Variants in RAP1A observed in about 807,000 individuals in gnomAD.
RAP1A encodes ras-related protein Rap-1A.
Under a neutral mutation model 26.4 loss-of-function variants are expected in RAP1A, and 6 were observed. The ratio of observed to expected loss-of-function variants is 0.23; its 90% CI spans 0.12 to 0.45. The LOEUF is 0.45. Ranked by LOEUF, RAP1A falls within the 20% of genes least tolerant of loss-of-function variation. The probability of loss-of-function intolerance (pLI) is 0.99; values close to 1 mark genes in which losing one functional copy is unlikely to be tolerated. For synonymous variants in RAP1A, 73 were observed against 79.4 expected, an observed-to-expected ratio of 0.92 and a Z score of 0.43; for missense variants, 121 against 217.2, an observed-to-expected ratio of 0.56 and a Z score of 2.78.
intron 1 of RAP1A, among the ~76,000 whole-genome samples, chr1:111,689,129 C>T (rs1661591783): frequency 6.6e-6 from 1 of 152,136 alleles, no homozygotes; most frequent in South Asian, 2.1e-4. Context: ...AGCTACTGCA[C>T]CTGGCCAGAT....
intron 3 of RAP1A, among the ~76,000 whole-genome samples, chr1:111,696,416 C>G (rs147491923): frequency 6.6e-6 from 1 of 152,308 alleles, no homozygotes; most frequent in African/African-American, 2.4e-5. Flanking sequence ...GCTCTAGATA[C>G]ATCAAGAAAC....
chr1:111,545,277 C>T (rs557770405), intron 1 of RAP1A, among the ~76,000 whole-genome samples: 2 of 152,160 alleles, frequency 1.3e-5, no homozygotes, highest in East Asian at 3.9e-4. Flanking sequence ...CCTATCCTTG[C>T]CAACACTTAT....
At chr1:111,640,789 G>A (rs1026388794) in intron 1 of RAP1A, among the ~76,000 whole-genome samples, 22 of 152,026 alleles carry the variant, frequency 1.4e-4, no homozygotes, top group African/African-American at 5.3e-4. Context: ...GTGAGACCCT[G>A]TCTCTACAAA....
intron 1 of RAP1A, among the ~76,000 whole-genome samples, chr1:111,686,180 A>C (rs929677862): frequency 1.3e-5 from 2 of 152,128 alleles, no homozygotes; most frequent in Non-Finnish European, 2.9e-5. Context: ...TGTAGATGAC[A>C]GGTTGATGGG....
At chr1:111,688,026 C>CAAAAAAA (rs58107878) in intron 1 of RAP1A, among the ~76,000 whole-genome samples, 2 of 51,710 alleles carry the variant, frequency 3.9e-5, no homozygotes, top group African/African-American at 1.1e-4. Flanking sequence ...GACCCTGTCT[C>CAAAAAAA]AAAAAAAAAA....
intron 1 of RAP1A, among the ~76,000 whole-genome samples, chr1:111,673,830 A>T (rs1661046829): frequency 6.6e-6 from 1 of 152,190 alleles, no homozygotes. Context: ...ATTTGTGTGT[A>T]TGCTTTCTTG....
intron 1 of RAP1A, among the ~76,000 whole-genome samples, chr1:111,680,026 G>A (rs1661243966): frequency 1.3e-5 from 2 of 152,180 alleles, no homozygotes. Context: ...TCCCAGCATA[G>A]CACTCAAGCT....
At chr1:111,563,710 C>T in intron 1 of RAP1A, 1 of 646,062 alleles carries the variant, frequency 1.5e-6, no homozygotes, top group Non-Finnish European at 2.8e-6. Context: ...CAAATTATCT[C>T]TATTTTACAC....
chr1:111,695,660 C>T (rs372704954), intron 3 of RAP1A, among the ~76,000 whole-genome samples: 6 of 152,296 alleles, frequency 3.9e-5, no homozygotes, highest in African/African-American at 1.4e-4. Context: ...AATGTTGCCA[C>T]ATATGAAAAA....
At chr1:111,610,989 G>A (rs1658918364) in intron 1 of RAP1A, among the ~76,000 whole-genome samples, 1 of 151,928 alleles carries the variant, frequency 6.6e-6, no homozygotes, top group East Asian at 1.9e-4. Context: ...CAAGCCCATT[G>A]CCCTTTCTTC....
chr1:111,710,984 A>G (rs1662368230), intron 7 of RAP1A, among the ~76,000 whole-genome samples: 2 of 152,110 alleles, frequency 1.3e-5, no homozygotes, highest in South Asian at 4.1e-4. Flanking sequence ...GGTGTGCACC[A>G]CCATGCCTGG....
At chr1:111,669,218 A>G (rs974098219) in intron 1 of RAP1A, among the ~76,000 whole-genome samples, 3 of 152,174 alleles carry the variant, frequency 2.0e-5, no homozygotes, top group African/African-American at 7.2e-5. Flanking sequence ...ACCATAGCCT[A>G]AATTGCTAGT....
intron 7 of RAP1A, 89 bp downstream of exon 7, chr1:111,709,353 T>A: frequency 7.3e-7 from 1 of 1,372,854 alleles, no homozygotes; most frequent in Non-Finnish European, 9.6e-7. Context: ...TCATCTGTTA[T>A]GGTATTTCTA....
chr1:111,697,692 C>A (rs979260273), intron 4 of RAP1A, among the ~76,000 whole-genome samples, 195 bp downstream of exon 4: 1 of 152,010 alleles, frequency 6.6e-6, no homozygotes, highest in African/African-American at 2.4e-5. Flanking sequence ...CAAAGTTCAC[C>A]TGTAATAATC....
chr1:111,643,914 C>T (rs1389460672), intron 1 of RAP1A, among the ~76,000 whole-genome samples: 1 of 152,182 alleles, frequency 6.6e-6, no homozygotes, highest in African/African-American at 2.4e-5. Context: ...ATATGGCAGG[C>T]CAACACATTG....
At chr1:111,619,785 C>T (rs1659112501), upstream of RAP1A, 3 of 397,632 alleles carry the variant, frequency 7.5e-6, no homozygotes, top group East Asian at 3.6e-5. Context: ...CTGGAGGAGG[C>T]GCCGCCGCCG....
intron 1 of RAP1A, among the ~76,000 whole-genome samples, chr1:111,663,565 A>G (rs979881103): frequency 6.6e-6 from 1 of 152,240 alleles, no homozygotes; most frequent in Non-Finnish European, 1.5e-5. Context: ...TCACAGCAAC[A>G]TTGCTGAACT....
chr1:111,691,707 A>G (rs1661677033), intron 2 of RAP1A, among the ~76,000 whole-genome samples: 1 of 152,176 alleles, frequency 6.6e-6, no homozygotes, highest in African/African-American at 2.4e-5. Flanking sequence ...AGGAATTTAC[A>G]TTGTATTGGG....
At chr1:111,573,994 C>A (rs1013983771) in intron 1 of RAP1A, among the ~76,000 whole-genome samples, 1 of 152,134 alleles carries the variant, frequency 6.6e-6, no homozygotes, top group Non-Finnish European at 1.5e-5. Context: ...GCTTTTGTTG[C>A]AATCGCTTTT....
Sources: gnomAD v4.1 joint callset for allele counts (sites outside exome capture counted in the v4.1 genomes callset) on GRCh38, gnomAD v4.1.1 for gene constraint, MANE v1.5 for transcripts, NCBI Gene and HGNC (gene_info 2026-07-23, HGNC 2026-07-21) for gene names.